SPCS2: variants seen among roughly 807,000 people sequenced by gnomAD.
SPCS2 encodes the protein SPase 25 kDa subunit.
A neutral mutation model predicts 22.3 loss-of-function variants in SPCS2; 3 were observed. That is an observed-to-expected ratio of 0.13 (90% CI 0.06 to 0.35). SPCS2 has a LOEUF of 0.35. Ranked by LOEUF, SPCS2 falls within the 10% of genes least tolerant of loss-of-function variation. The pLI is 1.00. For missense variants in SPCS2, 169 were observed against 280.9 expected (o/e 0.60, Z 2.85); for synonymous variants, 67 against 97.2 (o/e 0.69, Z 1.83).
chr11:74,976,777 G>T, intron 4 of SPCS2, 80 bp from the exon 5 acceptor site: 2 of 1,565,984 alleles, frequency 1.3e-6, no homozygotes, highest in East Asian at 4.5e-5. Flanking sequence ...CCTTTTCTTC[G>T]GAAACACTTG....
At chr11:74,970,909 A>G (rs987204220) in intron 4 of SPCS2, among the ~76,000 whole-genome samples, 7 of 152,222 alleles carry the variant, frequency 4.6e-5, no homozygotes, top group Non-Finnish European at 8.8e-5. Context: ...GTACAGTTCA[A>G]AAGTACCTAG....
intron 3 of SPCS2, chr11:74,968,076 C>A (rs946359626): frequency 6.6e-6 from 1 of 152,182 alleles, no homozygotes; most frequent in Non-Finnish European, 1.5e-5. Flanking sequence ...TACAATCATA[C>A]TGATTAAAGG....
At chr11:74,972,182 CA>C (rs1377446177) in intron 4 of SPCS2, among the ~76,000 whole-genome samples, 1 of 152,152 alleles carries the variant, frequency 6.6e-6, no homozygotes, top group Non-Finnish European at 1.5e-5. Flanking sequence ...TCTCCTGCCT[CA>C]GCCTCCTGAG....
intron 3 of SPCS2, among the ~76,000 whole-genome samples, chr11:74,968,844 T>C (rs1948562546): frequency 6.6e-6 from 1 of 151,984 alleles, no homozygotes; most frequent in African/African-American, 2.4e-5. Context: ...GTATTTTTAG[T>C]AGAAATGGGG....
intron 1 of SPCS2, among the ~76,000 whole-genome samples, chr11:74,961,125 AATAC>A (rs146565589): frequency 6.6e-6 from 1 of 152,254 alleles, no homozygotes; most frequent in East Asian, 1.9e-4. Context: ...TGAGGGAGAC[AATAC>A]ATACAGTCAG....
chr11:74,966,005 C>A, intron 3 of SPCS2, 82 bp downstream of exon 3: 1 of 1,331,174 alleles, frequency 7.5e-7, no homozygotes, highest in South Asian at 1.5e-5. Context: ...AAAAACAAAA[C>A]GGACTTTCAT....
At chr11:74,971,739 G>T (rs1018756233) in intron 4 of SPCS2, among the ~76,000 whole-genome samples, 1 of 151,702 alleles carries the variant, frequency 6.6e-6, no homozygotes, top group Non-Finnish European at 1.5e-5. Context: ...TGACTCTCTC[G>T]CAAAAAGTGA....
chr11:74,972,892 A>AT (rs1948593639), intron 4 of SPCS2, among the ~76,000 whole-genome samples: 1 of 73,696 alleles, frequency 1.4e-5, no homozygotes. Context: ...ATATATATAT[A>AT]TATTTTTTTT....
intron 1 of SPCS2, among the ~76,000 whole-genome samples, 200 bp from the exon 2 acceptor site, chr11:74,964,834 G>A (rs1948534218): frequency 6.6e-6 from 1 of 152,076 alleles, no homozygotes; most frequent in South Asian, 2.1e-4. Context: ...GGTCTTTTTT[G>A]TTTGTTTTTA....
chr11:74,971,110 TG>T (rs1948581301), intron 4 of SPCS2, among the ~76,000 whole-genome samples: 1 of 152,234 alleles, frequency 6.6e-6, no homozygotes, highest in African/African-American at 2.4e-5. Flanking sequence ...TCATACAATA[TG>T]TGGTCTTTTA....
At chr11:74,955,423 A>G (rs1948472294) in intron 1 of SPCS2, among the ~76,000 whole-genome samples, 1 of 152,214 alleles carries the variant, frequency 6.6e-6, no homozygotes. Flanking sequence ...TACAATATGG[A>G]TGAATCCTGA....
At chr11:74,974,707 T>C (rs575210583) in intron 4 of SPCS2, among the ~76,000 whole-genome samples, 1 of 152,300 alleles carries the variant, frequency 6.6e-6, no homozygotes, top group African/African-American at 2.4e-5. Flanking sequence ...CTCCGCCTCC[T>C]GGGTTCACAC....
At chr11:74,967,727 G>A (rs549670366) in intron 3 of SPCS2, among the ~76,000 whole-genome samples, 3 of 152,248 alleles carry the variant, frequency 2.0e-5, no homozygotes, top group South Asian at 4.1e-4. Context: ...CAGCCTGGGC[G>A]ATAGAGCAAG....
intron 3 of SPCS2, among the ~76,000 whole-genome samples, chr11:74,966,203 G>C (rs149272779): frequency 1.3e-5 from 2 of 152,168 alleles, no homozygotes; most frequent in African/African-American, 2.4e-5. Context: ...AAAACACATA[G>C]TAATAGTGAA....
intron 1 of SPCS2, among the ~76,000 whole-genome samples, chr11:74,962,762 A>G (rs1948521632): frequency 6.6e-6 from 1 of 152,212 alleles, no homozygotes; most frequent in Admixed American, 6.5e-5. Context: ...TGTTGCCGTA[A>G]AGTCAAATTA....
At chr11:74,959,809 C>G (rs1259255302) in intron 1 of SPCS2, among the ~76,000 whole-genome samples, 2 of 152,170 alleles carry the variant, frequency 1.3e-5, no homozygotes, top group Non-Finnish European at 2.9e-5. Flanking sequence ...AAAATGCCTT[C>G]CTGTACTGAC....
chr11:74,959,655 G>A (rs1042443437), intron 1 of SPCS2, among the ~76,000 whole-genome samples: 3 of 152,108 alleles, frequency 2.0e-5, no homozygotes, highest in Admixed American at 6.6e-5. Flanking sequence ...CTTCCACCTT[G>A]GCCTCCCAAA....
In SPCS2 at chr11:74,956,888, AT is replaced by A. The variant is rs1948482195; in HGVS notation, c.114+7493del. On this transcript the variant is annotated intron_variant, in intron 1 of 4. Coordinates refer to ENST00000263672, the MANE Select transcript of SPCS2 (RefSeq NM_014752.3). ...TCCTCAAACACGTTAAGCTTGGGGG[AT>A]TTTGGTGTACTGTTTTCACTGGGAC... is the stretch of plus-strand genomic sequence containing the variant. 2.0e-5 allele frequency among the ~76,000 whole-genome samples: 3 copies of A among 151,592 alleles called. No individual in the cohort carries two copies. In the East Asian group the frequency reaches 5.8e-4, roughly 29 times the overall value.
intron 1 of SPCS2, among the ~76,000 whole-genome samples, chr11:74,960,891 T>C (rs1387347034): frequency 1.3e-5 from 2 of 152,330 alleles, no homozygotes; most frequent in African/African-American, 4.8e-5. Flanking sequence ...ACCTTCTGTC[T>C]GCCCTCCATC....
Sources: allele counts gnomAD v4.1 joint callset (sites outside exome capture counted in the v4.1 genomes callset), GRCh38; gene constraint gnomAD v4.1.1; transcripts MANE v1.5; gene names NCBI Gene and HGNC (gene_info 2026-07-23, HGNC 2026-07-21).